The following TNPO3 variants were observed in gnomAD, a reference collection of about 807,000 sequenced individuals.
The protein encoded by TNPO3 is transportin 3.
In TNPO3, 65 loss-of-function variants were observed where a neutral mutation model predicts 122.8. The observed-to-expected ratio is 0.53, with a 90% CI of 0.43 to 0.65. The LOEUF (loss-of-function observed/expected upper bound fraction) is 0.65, where lower values mean the gene tolerates loss of function less well. Ranked by LOEUF, TNPO3 falls within the 30% of genes least tolerant of loss-of-function variation. The probability of loss-of-function intolerance (pLI) is 0.00; values close to 1 mark genes in which losing one functional copy is unlikely to be tolerated. For missense variants in TNPO3, 850 were observed against 1,136.7 expected, an observed-to-expected ratio of 0.75 and a Z score of 3.63; for synonymous variants, 372 against 411.2, an observed-to-expected ratio of 0.90 and a Z score of 1.15.
intron 1 of TNPO3, among the ~76,000 whole-genome samples, chr7:129,021,993 T>C (rs576305822): frequency 1.3e-5 from 2 of 152,108 alleles, no homozygotes; most frequent in Non-Finnish European, 2.9e-5. Flanking sequence ...ATGACAAATA[T>C]TGAACATAGG....
chr7:128,972,345 A>G, intron 19 of TNPO3, 81 bp downstream of exon 19: 2 of 1,457,542 alleles, frequency 1.4e-6, no homozygotes, highest in Non-Finnish European at 1.9e-6. Flanking sequence ...AAATACTGGG[A>G]TGCTGGTTTT....
rs1248420017 is a variant in TNPO3, at chr7:129,048,652, AAAAG to A, written c.120+5995_120+5998del. On this transcript the variant is annotated intron_variant, in intron 1 of 22. Coordinates refer to ENST00000265388, the MANE Select transcript of TNPO3 (RefSeq NM_012470.4). ...CATCTCATAAAGGATTTAAAAAAAA[AAAAG>A]AAAGAAAAAAAAAGACTGGAAAGAC... Among the ~76,000 whole-genome samples, 8 of 152,268 alleles carry A rather than the reference AAAAG, an allele frequency of 5.3e-5. No homozygotes were observed. The South Asian group carries it at 6.2e-4, about 12-fold the overall frequency.
chr7:129,012,618 C>T (rs1055769975), intron 4 of TNPO3, among the ~76,000 whole-genome samples: 1 of 152,158 alleles, frequency 6.6e-6, no homozygotes, highest in Non-Finnish European at 1.5e-5. Context: ...TTACCCTACC[C>T]TAAACCCTTC....
At chr7:129,030,052 C>G (rs1370373386) in intron 1 of TNPO3, 1 of 153,592 alleles carries the variant, frequency 6.5e-6, no homozygotes, top group Admixed American at 6.5e-5. Flanking sequence ...AAAAAAAGAA[C>G]AGACAGGCTC....
intron 1 of TNPO3, among the ~76,000 whole-genome samples, chr7:129,031,053 G>A (rs1167916645): frequency 6.6e-6 from 1 of 152,246 alleles, no homozygotes; most frequent in Non-Finnish European, 1.5e-5. Flanking sequence ...GGGACGCCAA[G>A]GCGGGCAGAT....
chr7:128,974,879 C>A lies in TNPO3; in HGVS notation c.2262G>T (p.Arg754=), dbSNP rs1798901006. ...NHPDTVDDLF[R]LATRFIQRSP... is the part of the protein sequence containing the mutation. ...TCAGAAGGATTTACCTGGTGGCTAG[C>A]CGGAACAGGTCATCTACAGTGTCAG... Residue 754 remains arginine (R), a synonymous_variant, in exon 18 of 23, where the codon CGG becomes CGT. Transcript: ENST00000265388. 1 of 1,613,874 alleles carries A rather than the reference C, an allele frequency of 6.2e-7. No individual in the cohort carries two copies. Among genetic ancestry groups the A allele is most frequent in the Non-Finnish European group, 8.5e-7 (1 of 1,179,890 alleles).
chr7:129,017,632 G>A (rs962976085), intron 2 of TNPO3, among the ~76,000 whole-genome samples: 6 of 152,132 alleles, frequency 3.9e-5, no homozygotes, highest in Admixed American at 2.0e-4. Flanking sequence ...CTAGTTCAAC[G>A]TTTCATTCAT....
At chr7:129,038,461 C>T (rs1806967151) in intron 1 of TNPO3, among the ~76,000 whole-genome samples, 1 of 152,142 alleles carries the variant, frequency 6.6e-6, no homozygotes, top group Admixed American at 6.5e-5. Context: ...ACCATTCGAC[C>T]CAGCAATCCC....
In TNPO3 at chr7:128,976,545, C is replaced by T. The variant is rs1799077856; in HGVS notation, c.2062-610G>A. Reference sequence around the variant, plus strand: ...CTGGAGTGCAGTGGTGAGATCTTGGCTCACTGTGGCCTCAACCTACCAGGC... The same window carrying T: ...CTGGAGTGCAGTGGTGAGATCTTGGTTCACTGTGGCCTCAACCTACCAGGC... On this transcript the variant is annotated intron_variant, in intron 16 of 22. Coordinates refer to ENST00000265388, the MANE Select transcript of TNPO3 (RefSeq NM_012470.4). Among the ~76,000 whole-genome samples, 3 of 152,128 alleles carry T rather than the reference C, an allele frequency of 2.0e-5. No homozygotes were observed. In the South Asian group the frequency reaches 6.2e-4, roughly 32 times the overall value.
intron 1 of TNPO3, among the ~76,000 whole-genome samples, chr7:129,024,979 TAC>T (rs1363672764): frequency 6.6e-6 from 1 of 150,914 alleles, no homozygotes; most frequent in Non-Finnish European, 1.5e-5. Context: ...CAGCCTGGGC[TAC>T]AGAGTGAGAC....
At chr7:129,041,856 G>T in intron 1 of TNPO3, 1 of 503,306 alleles carries the variant, frequency 2.0e-6, no homozygotes, top group Non-Finnish European at 2.6e-6. Context: ...GCAGGCTATG[G>T]CCCAGCAATC....
intron 1 of TNPO3, among the ~76,000 whole-genome samples, chr7:129,045,291 C>T (rs1807889627): frequency 6.6e-6 from 1 of 152,046 alleles, no homozygotes; most frequent in Non-Finnish European, 1.5e-5. Flanking sequence ...GTGATGGTTG[C>T]ACAACAATGT....
chr7:128,963,808 A>C (rs1797683805), intron 21 of TNPO3, among the ~76,000 whole-genome samples: 1 of 152,226 alleles, frequency 6.6e-6, no homozygotes, highest in Non-Finnish European at 1.5e-5. Flanking sequence ...TAGCTCTTGT[A>C]CCACTGCTTA....
chr7:129,043,588 G>GTCACACATA (rs1322280542), intron 1 of TNPO3, among the ~76,000 whole-genome samples: 3 of 152,130 alleles, frequency 2.0e-5, no homozygotes, highest in Non-Finnish European at 4.4e-5. Flanking sequence ...ATAGTTGTTG[G>GTCACACATA]TCACACATAA....
chr7:128,987,572 C>A (rs1417878252), intron 11 of TNPO3, among the ~76,000 whole-genome samples: 1 of 151,820 alleles, frequency 6.6e-6, no homozygotes, highest in Non-Finnish European at 1.5e-5. Flanking sequence ...AGGAAAAAAA[C>A]CTTAGAAAAA....
At chr7:128,974,810 C>T in intron 18 of TNPO3, 58 bp downstream of exon 18, 2 of 1,384,978 alleles carry the variant, frequency 1.4e-6, no homozygotes, top group South Asian at 2.3e-5. Context: ...GGTCAGATGG[C>T]AAGACTAAGC....
At chr7:129,017,586 T>C (rs1803989434) in intron 2 of TNPO3, among the ~76,000 whole-genome samples, 1 of 152,200 alleles carries the variant, frequency 6.6e-6, no homozygotes, top group Non-Finnish European at 1.5e-5. Flanking sequence ...TCCTATCTAA[T>C]GTATTTCCCT....
chr7:129,002,728 C>T (rs1802080726), intron 5 of TNPO3, among the ~76,000 whole-genome samples: 1 of 151,832 alleles, frequency 6.6e-6, no homozygotes, highest in Non-Finnish European at 1.5e-5. Context: ...ACCATCCTGG[C>T]TAACACAGTG....
intron 19 of TNPO3, chr7:128,970,619 T>C (rs1448269752): frequency 5.1e-6 from 1 of 194,366 alleles, no homozygotes; most frequent in Non-Finnish European, 1.0e-5. Flanking sequence ...GGTTAAGAAT[T>C]AAAGTTAGCA....
Sources: allele counts gnomAD v4.1 joint callset (sites outside exome capture counted in the v4.1 genomes callset), GRCh38; gene constraint gnomAD v4.1.1; transcripts MANE v1.5; gene names NCBI Gene and HGNC (gene_info 2026-07-23, HGNC 2026-07-21).